Variants in OXR1 observed in about 807,000 individuals in gnomAD.
OXR1 encodes the protein oxidation resistance protein 1.
In OXR1, 41 loss-of-function variants were observed where a neutral mutation model predicts 104.6. The ratio of observed to expected loss-of-function variants is 0.39; its 90% CI spans 0.31 to 0.51. OXR1 has a LOEUF of 0.51. Among genes scored for constraint, OXR1 ranks in the 20% least tolerant of loss-of-function variants. OXR1 has a pLI of 0.77. For synonymous variants in OXR1, 348 were observed against 348.4 expected (o/e 1.00, Z 0.01); for missense variants, 955 against 1,031.9 (o/e 0.93, Z 1.02).
At chr8:106,521,175 G>A (rs72680942) in intron 3 of OXR1, among the ~76,000 whole-genome samples, 14,031 of 151,982 alleles carry the variant, frequency 0.092, 747 homozygotes, top group Non-Finnish European at 0.11. Flanking sequence ...TATAATCACC[G>A]GTATTGAAAG....
chr8:106,417,619 A>C (rs1243142108), intron 2 of OXR1, among the ~76,000 whole-genome samples: 1 of 152,188 alleles, frequency 6.6e-6, no homozygotes, highest in African/African-American at 2.4e-5. Flanking sequence ...AAAAACTCTT[A>C]CTTTTCACAG....
At chr8:106,293,704 G>T (rs1372348211) in intron 1 of OXR1, among the ~76,000 whole-genome samples, 3 of 152,144 alleles carry the variant, frequency 2.0e-5, no homozygotes, top group Non-Finnish European at 4.4e-5. Flanking sequence ...TCCTCACGTG[G>T]CAGAAGACAG....
At position 106,679,941 on chromosome 8, in the gene OXR1, C is replaced by G. The variant is rs1231593123; in HGVS notation, c.303+649C>G. ...GATAATGTTAACGTGTTGTAAAGCA[C>G]TTTTAACTGAGCTTAATTTTGTTAT... On this transcript the variant is annotated intron_variant, in intron 4 of 16. Transcript: ENST00000517566. Among the ~76,000 whole-genome samples the G allele has an allele frequency of 3.3e-5, 5 of 152,116 alleles. No homozygotes were observed. In the East Asian group the frequency reaches 9.7e-4, roughly 29 times the overall value.
At chr8:106,721,364 C>A (rs1208700298) in intron 11 of OXR1, among the ~76,000 whole-genome samples, 1 of 151,972 alleles carries the variant, frequency 6.6e-6, no homozygotes, top group Non-Finnish European at 1.5e-5. Context: ...AGCTAAGAAA[C>A]TGGTTTTATT....
intron 3 of OXR1, chr8:106,618,080 A>G (rs1023493050): frequency 6.5e-7 from 1 of 1,535,454 alleles, no homozygotes; most frequent in African/African-American, 1.4e-5. Flanking sequence ...TTACCCTGAG[A>G]AGCACAGGAA....
At chr8:106,280,296 G>A (rs1177555303) in intron 1 of OXR1, among the ~76,000 whole-genome samples, 1 of 152,088 alleles carries the variant, frequency 6.6e-6, no homozygotes, top group African/African-American at 2.4e-5. Flanking sequence ...CCACAAACTG[G>A]GTAGCTTAAA....
At chr8:106,749,150 G>A (rs1446686977) in intron 16 of OXR1, among the ~76,000 whole-genome samples, 1 of 151,768 alleles carries the variant, frequency 6.6e-6, no homozygotes, top group African/African-American at 2.4e-5. Context: ...ATACCATCCT[G>A]GCTAACACAG....
At chr8:106,664,113 T>G (rs773554711) in intron 3 of OXR1, among the ~76,000 whole-genome samples, 15 of 152,216 alleles carry the variant, frequency 9.9e-5, no homozygotes, top group Non-Finnish European at 1.8e-4. Flanking sequence ...TTAGCCTTTC[T>G]TAATAGTGTA....
At chr8:106,466,927 A>G (rs1422812459) in intron 2 of OXR1, among the ~76,000 whole-genome samples, 1 of 151,988 alleles carries the variant, frequency 6.6e-6, no homozygotes, top group African/African-American at 2.4e-5. Context: ...AAATGATGAT[A>G]CTTATTGATT....
intron 3 of OXR1, among the ~76,000 whole-genome samples, chr8:106,548,668 T>C (rs1815564196): frequency 1.3e-5 from 2 of 152,178 alleles, no homozygotes; most frequent in Non-Finnish European, 2.9e-5. Flanking sequence ...TTTAATTTAT[T>C]AGTATACTGT....
At chr8:106,633,754 A>G (rs991535347) in intron 3 of OXR1, among the ~76,000 whole-genome samples, 3 of 152,186 alleles carry the variant, frequency 2.0e-5, no homozygotes, top group Admixed American at 1.3e-4. Flanking sequence ...GTCATCTGCT[A>G]TGTTCCTAAA....
intron 1 of OXR1, among the ~76,000 whole-genome samples, chr8:106,308,004 ACACACACAAACAC>A (rs1813534989): frequency 7.0e-6 from 1 of 142,272 alleles, no homozygotes; most frequent in African/African-American, 3.1e-5. Context: ...AAGGACACAC[ACACACACAAACAC>A]ACACACACAT....
At chr8:106,409,491 A>G (rs944520315) in intron 2 of OXR1, among the ~76,000 whole-genome samples, 19 of 152,312 alleles carry the variant, frequency 1.2e-4, no homozygotes, top group Admixed American at 1.2e-3. Flanking sequence ...GGATTTAACA[A>G]TTATCATATA....
chr8:106,525,295 T>C (rs905429059), intron 3 of OXR1, among the ~76,000 whole-genome samples: 3 of 152,170 alleles, frequency 2.0e-5, no homozygotes, highest in Non-Finnish European at 4.4e-5. Context: ...TGGCCTCACT[T>C]TCATGAAAAT....
intron 3 of OXR1, among the ~76,000 whole-genome samples, chr8:106,540,009 A>G (rs1017952862): frequency 6.6e-6 from 1 of 152,228 alleles, no homozygotes; most frequent in South Asian, 2.1e-4. Flanking sequence ...GGAAAAGTTA[A>G]TATTTAAGAA....
chr8:106,697,587 C>T, intron 7 of OXR1: 1 of 1,611,318 alleles, frequency 6.2e-7, no homozygotes, highest in Non-Finnish European at 8.5e-7. Flanking sequence ...CAGAGAAGAG[C>T]CCATCATCCC....
intron 3 of OXR1, among the ~76,000 whole-genome samples, chr8:106,619,859 A>G (rs925717578): frequency 1.3e-5 from 2 of 152,216 alleles, no homozygotes; most frequent in African/African-American, 2.4e-5. Flanking sequence ...TCCTGGTTCA[A>G]TTAGATCCCT....
Position 106,283,450 on chromosome 8 carries a change from G to C in OXR1, c.-139+13083G>C, listed in dbSNP as rs115390835. On this transcript the variant is annotated intron_variant, in intron 1 of 16. Coordinates refer to ENST00000517566, the MANE Select transcript of OXR1 (RefSeq NM_001198533.2). ...GTCAAACTTCCAGGCCCATAGATCA[G>C]GGATATTTTTCTAAGTTTTAATGTG... Among the ~76,000 whole-genome samples the C allele has an allele frequency of 7.8e-3, 1,188 of 152,298 alleles. 16 individuals are homozygous for C. Among genetic ancestry groups the C allele is most frequent in the African/African-American group, 0.026 (1,091 of 41,560 alleles).
At chr8:106,726,271 G>A (rs557325939) in intron 11 of OXR1, 3 of 1,529,554 alleles carry the variant, frequency 2.0e-6, no homozygotes, top group East Asian at 4.9e-5. Flanking sequence ...TGGGAAAAAA[G>A]GGAGAAGACA....
Sources: allele counts gnomAD v4.1 joint callset (sites outside exome capture counted in the v4.1 genomes callset), GRCh38; gene constraint gnomAD v4.1.1; transcripts MANE v1.5; gene names NCBI Gene and HGNC (gene_info 2026-07-23, HGNC 2026-07-21).